NYNRIN: variants seen among roughly 807,000 people sequenced by gnomAD.
NYNRIN encodes protein NYNRIN.
NYNRIN carries 86 observed loss-of-function variants against 146.6 expected under a neutral mutation model. That is an observed-to-expected ratio of 0.59 (90% confidence interval 0.49 to 0.70). NYNRIN has a LOEUF of 0.70. Ranked by LOEUF, NYNRIN falls within the 30% of genes least tolerant of loss-of-function variation. The pLI, the probability that NYNRIN is intolerant of heterozygous loss-of-function variation, is 0.00. For missense variants in NYNRIN, 2,191 were observed against 2,377.7 expected (o/e 0.92, Z 1.63); for synonymous variants, 1,027 against 1,001.3 (o/e 1.03, Z -0.48).
chr14:24,414,695 C>A lies in NYNRIN; in HGVS notation c.2946C>A (p.Pro982=). The A allele has an allele frequency of 6.2e-7, 1 of 1,613,608 alleles. No homozygotes were observed. Among genetic ancestry groups the A allele is most frequent in the South Asian group, 1.1e-5 (1 of 91,012 alleles). The change falls in exon 9 of 9, where the codon CCC becomes CCA. Residue 982 remains proline (P), a synonymous_variant. Transcript: ENST00000382554. ...TGAGTGATGACGCTGACTCTGGGCC[C>A]CTGGAGAGTCTGCCGAATATGGAAG... ...TELSDDADSG[P]LESLPNMEEV...
Position 24,418,360 on chromosome 14 carries a change from A to ACCTCCCAACC in NYNRIN, c.*927_*936dup, listed in dbSNP as rs374579500. ...CACGGTGAAGTGCTGGCATGGCTCT[A>ACCTCCCAACC]CCTCCCAACCCCTCCCAACCCCATC... On this transcript the variant is annotated 3_prime_UTR_variant, in exon 9 of 9. Transcript: ENST00000382554. 2.5e-4 allele frequency: 111 copies of ACCTCCCAACC among 443,718 alleles called. No homozygotes were observed. Among genetic ancestry groups the ACCTCCCAACC allele is most frequent in the African/African-American group, 2.0e-3 (98 of 49,536 alleles). The allele number at this position is 443,718 out of a possible 1,614,324, so 27.5% of individuals were successfully genotyped here. A position where few individuals can be genotyped will look rare whatever the true frequency, so the allele number is the denominator to read the frequency against.
intron 2 of NYNRIN, among the ~76,000 whole-genome samples, chr14:24,404,951 C>T (rs2042867184): frequency 6.6e-6 from 1 of 151,864 alleles, no homozygotes; most frequent in African/African-American, 2.4e-5. Context: ...TTTGTACTCC[C>T]TGGAGAACAG....
chr14:24,411,295 G>C lies in NYNRIN; in HGVS notation c.2546-59G>C. ...TGCCCCGACCCTCTGCCACCCCAGAGTGGCCATTTCCACTTAGCCCTCCCT... is the reference window on the plus strand; with the variant it reads ...TGCCCCGACCCTCTGCCACCCCAGACTGGCCATTTCCACTTAGCCCTCCCT... On this transcript the variant is annotated intron_variant, in intron 5 of 8. Coordinates refer to ENST00000382554, the MANE Select transcript of NYNRIN (RefSeq NM_025081.3). The surrounding 1 kb of genome is among the most constrained non-coding windows in gnomAD (Gnocchi z 4.3). 6.2e-7 allele frequency: 1 copy of C among 1,612,974 alleles called. No homozygotes were observed. The highest frequency in any genetic ancestry group is 1.7e-5 in the Admixed American group (1 of 60,000).
chr14:24,399,149 G>T, intron 1 of NYNRIN, 63 bp downstream of exon 1: 1 of 1,161,884 alleles, frequency 8.6e-7, no homozygotes, highest in East Asian at 2.7e-5. Context: ...AGGAGGGGGC[G>T]TGGCTTAGGC....
Position 24,409,278 on chromosome 14 carries a change from C to T in NYNRIN, c.1484C>T (p.Pro495Leu), listed in dbSNP as rs367907615. 1.0e-4 allele frequency: 163 copies of T among 1,613,898 alleles called. 2 individuals carry two copies. The South Asian group carries it at 1.6e-3, about 16-fold the overall frequency. The change falls in exon 4 of 9, where the codon CCG (proline) becomes CTG (leucine). Residue 495 changes from proline to leucine, a missense_variant. Around this residue, in one of 3 missense-constraint regions of NYNRIN, gnomAD observed 895 missense variants for 941.2 expected, o/e 0.95. Coordinates refer to ENST00000382554, the MANE Select transcript of NYNRIN (RefSeq NM_025081.3). ...CCCCAACTACAGGCTGGAGGTGAGCCGGGGGATCAAGGGAGTATGCAGTTA... is the reference window on the plus strand; with the variant it reads ...CCCCAACTACAGGCTGGAGGTGAGCTGGGGGATCAAGGGAGTATGCAGTTA... ...STPQLQAGGE[P>L]GDQGSMQLDF...
At position 24,409,073 on chromosome 14, in the gene NYNRIN, G is replaced by A. The variant is rs1032749252; in HGVS notation, c.1279G>A (p.Ala427Thr). The A allele has an allele frequency of 4.3e-6, 7 of 1,613,482 alleles. No individual in the cohort carries two copies. The highest frequency in any genetic ancestry group is 1.3e-5 in the African/African-American group (1 of 74,936). The change falls in exon 4 of 9, where the codon GCA becomes ACA. Residue 427 changes from alanine (A) to threonine (T), a missense_variant. Transcript: ENST00000382554. ...KQKELAPLPS[A>T]ESPAGRPDGG... ...GAAGGAGCTGGCTCCTCTGCCTAGTGCAGAAAGCCCAGCTGGTAGACCAGA... is the reference window on the plus strand; with the variant it reads ...GAAGGAGCTGGCTCCTCTGCCTAGTACAGAAAGCCCAGCTGGTAGACCAGA...
Position 24,411,159 on chromosome 14 carries a change from CTG to C in NYNRIN, c.2502_2503del (p.Phe835CysfsTer35). ...TGGAACCGGGGACACCGAGAGGTCA[CTG>C]TGTTTGTACCCACCTGGCAGCTGAA... On this transcript the variant is annotated frameshift_variant, in exon 5 of 9. Coordinates refer to ENST00000382554, the MANE Select transcript of NYNRIN (RefSeq NM_025081.3). LOFTEE classifies it high-confidence loss of function. This position sits in a 1 kb window ranked among gnomAD's most constrained non-coding sequence, Gnocchi z 4.3. The C allele has an allele frequency of 6.2e-7, 1 of 1,609,104 alleles. No individual in the cohort carries two copies. The highest frequency in any genetic ancestry group is 8.5e-7 in the Non-Finnish European group (1 of 1,177,638).
In NYNRIN at chr14:24,416,252, G is replaced by C. The variant is rs201073850; in HGVS notation, c.4503G>C (p.Leu1501=). ...CCAGGCTGCAGGCTGGGCAGAAACT[G>C]TCTGGCTCCTCACCGTTTAGTTCTG... is the stretch of plus-strand genomic sequence containing the variant. ...IIARLQAGQK[L]SGSSPFSSAF... The change falls in exon 9 of 9, where the codon CTG becomes CTC. Residue 1501 remains leucine, a synonymous_variant. Coordinates refer to ENST00000382554, the MANE Select transcript of NYNRIN (RefSeq NM_025081.3). 6.2e-7 allele frequency: 1 copy of C among 1,613,986 alleles called. No individual in the cohort carries two copies. Among genetic ancestry groups the C allele is most frequent in the Non-Finnish European group, 8.5e-7 (1 of 1,179,896 alleles).
chr14:24,417,255 TC>T lies in NYNRIN; in HGVS notation c.5509del (p.Leu1837SerfsTer20). The T allele has an allele frequency of 6.2e-7, 1 of 1,614,004 alleles. No homozygotes were observed. The highest frequency in any genetic ancestry group is 8.5e-7 in the Non-Finnish European group (1 of 1,179,880). Reference sequence around the variant, plus strand: ...TGTGGGTGACCAGGTCCTTTTGCTGTCCCTCCCCAGGAATGGCAGCAGTGCC... The same window carrying T: ...TGTGGGTGACCAGGTCCTTTTGCTGTCCTCCCCAGGAATGGCAGCAGTGCC... The part of the protein sequence containing the change: ...WNVGDQVLLL[S>X]LPRNGSSAKW... On this transcript the variant is annotated frameshift_variant, in exon 9 of 9. Transcript: ENST00000382554. LOFTEE classifies it high-confidence loss of function.
In NYNRIN at chr14:24,408,505, G is replaced by A. The variant is rs768912222; in HGVS notation, c.835G>A (p.Glu279Lys). ...SLITAQSTPQ[E>K]AANQLVRVGS... ...GATCACAGCCCAGAGCACACCGCAG[G>A]AGGCAGCAAACCAGCTGGTACGGTA... The change falls in exon 3 of 9, where the codon GAG becomes AAG. Residue 279 changes from glutamate (E) to lysine (K), a missense_variant. Glu to Lys is a moderately conservative substitution (Grantham distance 56). This residue lies in a region of NYNRIN where 895 missense variants were observed against 941.2 expected (regional missense o/e 0.95). Transcript: ENST00000382554. The A allele has an allele frequency of 6.3e-7, 1 of 1,583,422 alleles. No individual in the cohort carries two copies. The highest frequency in any genetic ancestry group is 8.6e-7 in the Non-Finnish European group (1 of 1,164,444).
rs981771131 is a variant in NYNRIN, at chr14:24,411,547, G to A, written c.2642+97G>A. 2 of 1,054,236 alleles carry A rather than the reference G, an allele frequency of 1.9e-6. No homozygotes were observed. Among genetic ancestry groups the A allele is most frequent in the Admixed American group, 3.7e-5 (2 of 54,462 alleles). The allele number at this position is 1,054,236 out of a possible 1,614,324, so 65.3% of individuals were successfully genotyped here. ...GGCCTGTCTTCTCTGGGGAAATGGAGGCAAACATGTTGGGGGTGTCGGTTG... is the reference window on the plus strand; with the variant it reads ...GGCCTGTCTTCTCTGGGGAAATGGAAGCAAACATGTTGGGGGTGTCGGTTG... On this transcript the variant is annotated intron_variant, in intron 6 of 8. Transcript: ENST00000382554. The surrounding 1 kb of genome is among the most constrained non-coding windows in gnomAD (Gnocchi z 4.3).
At chr14:24,401,356 AGCTCCCT>A (rs2042842067) in intron 2 of NYNRIN, among the ~76,000 whole-genome samples, 1 of 152,002 alleles carries the variant, frequency 6.6e-6, no homozygotes, top group African/African-American at 2.4e-5. Context: ...GATTCTGGGT[AGCTCCCT>A]GCCTTATTTT....
rs1270243785 is a variant in NYNRIN at position 24,417,152 on chromosome 14, C to T, written c.5403C>T (p.His1801=). Reference sequence around the variant, plus strand: ...TGGTGGGGGAGCTGCTGGAGCTCCACTGGAGGGTGGCTGACAAGGCGAGTG... The same window carrying T: ...TGGTGGGGGAGCTGCTGGAGCTCCATTGGAGGGTGGCTGACAAGGCGAGTG... ...LQLVGELLEL[H]WRVADKASEK... The change falls in exon 9 of 9, where the codon CAC becomes CAT. Residue 1801 remains histidine (H), a synonymous_variant. Coordinates refer to ENST00000382554, the MANE Select transcript of NYNRIN (RefSeq NM_025081.3). 1.2e-6 allele frequency: 2 copies of T among 1,614,000 alleles called. No individual in the cohort carries two copies. The highest frequency in any genetic ancestry group is 1.7e-6 in the Non-Finnish European group (2 of 1,179,876).
At chr14:24,403,033 A>G (rs1594737153) in intron 2 of NYNRIN, among the ~76,000 whole-genome samples, 1 of 152,116 alleles carries the variant, frequency 6.6e-6, no homozygotes, top group African/African-American at 2.4e-5. Context: ...TTTTGGTCCC[A>G]TTATCGTATG....
At position 24,414,696 on chromosome 14, in the gene NYNRIN, C is replaced by T; in HGVS notation, c.2947C>T (p.Leu983=). 3 of 1,613,628 alleles carry T rather than the reference C, an allele frequency of 1.9e-6. No individual in the cohort carries two copies. The highest frequency in any genetic ancestry group is 2.5e-6 in the Non-Finnish European group (3 of 1,179,736). The change falls in exon 9 of 9, where the codon CTG becomes TTG. Residue 983 remains leucine (L), a synonymous_variant. Transcript: ENST00000382554. ...GAGTGATGACGCTGACTCTGGGCCC[C>T]TGGAGAGTCTGCCGAATATGGAAGA... ...ELSDDADSGP[L]ESLPNMEEVR... is the part of the protein sequence containing the mutation.
rs1173858155 is a variant in NYNRIN, at chr14:24,416,920, G to A, written c.5171G>A (p.Arg1724Lys). ...TCAGGGGCCTACTGGGAATTCAAGAGGGCCCTCAAGGAGTTCATCTTCCTG... is the reference window on the plus strand; with the variant it reads ...TCAGGGGCCTACTGGGAATTCAAGAAGGCCCTCAAGGAGTTCATCTTCCTG... ...TSSGAYWEFK[R>K]ALKEFIFLHG... Residue 1724 changes from arginine (R) to lysine (K), a missense_variant, in exon 9 of 9, where the codon AGG becomes AAG. Physicochemically the swap from Arg to Lys is conservative, Grantham distance 26. Coordinates refer to ENST00000382554, the MANE Select transcript of NYNRIN (RefSeq NM_025081.3). 4.4e-6 allele frequency: 7 copies of A among 1,596,832 alleles called. No homozygotes were observed. The highest frequency in any genetic ancestry group is 1.7e-4 in the Middle Eastern group (1 of 5,982).
At chr14:24,413,750 G>A (rs187615600) in intron 8 of NYNRIN, among the ~76,000 whole-genome samples, 2 of 152,222 alleles carry the variant, frequency 1.3e-5, no homozygotes, top group African/African-American at 4.8e-5. Flanking sequence ...TCCATTACAT[G>A]AGTACCCAAT....
In NYNRIN at chr14:24,417,422, G is replaced by A; in HGVS notation, c.5673G>A (p.Leu1891=). The change falls in exon 9 of 9, where the codon CTG becomes CTA. Residue 1891 remains leucine, a synonymous_variant. Coordinates refer to ENST00000382554, the MANE Select transcript of NYNRIN (RefSeq NM_025081.3). ...CCTTTGCCAAGAGTGGCACCCCGCT[G>A]TCCTTCAAGGTCTTGGAGCAGTGAG... ...MKAFAKSGTP[L]SFKVLEQ The A allele has an allele frequency of 6.6e-7, 1 of 1,515,452 alleles. No individual in the cohort carries two copies. The allele number at this position is 1,515,452 out of a possible 1,614,324, so 93.9% of individuals were successfully genotyped here.
In NYNRIN at chr14:24,406,758, T is replaced by A. The variant is rs578166687; in HGVS notation, c.199-1111T>A. ...AGGGATGACTATCAAAGAAAGGGGA[T>A]GTGGAGGGGCATGGGGGCATATGAA... is the stretch of plus-strand genomic sequence containing the variant. On this transcript the variant is annotated intron_variant, in intron 2 of 8. Coordinates refer to ENST00000382554, the MANE Select transcript of NYNRIN (RefSeq NM_025081.3). 3.3e-5 allele frequency among the ~76,000 whole-genome samples: 5 copies of A among 151,954 alleles called. No individual in the cohort carries two copies. In the South Asian group the frequency reaches 1.0e-3, roughly 32 times the overall value.
Sources: allele counts gnomAD v4.1 joint callset (sites outside exome capture counted in the v4.1 genomes callset), GRCh38; gene constraint gnomAD v4.1.1; regional missense constraint gnomAD v4.1.1; non-coding constraint Gnocchi (gnomAD v3.1); transcripts MANE v1.5; gene names NCBI Gene and HGNC (gene_info 2026-07-23, HGNC 2026-07-21).